ADAM29: variants seen among roughly 807,000 people sequenced by gnomAD.
ADAM29 encodes the protein disintegrin and metalloproteinase domain-containing protein 29.
For missense variants in ADAM29, 969 were observed against 1,001.8 expected (o/e 0.97, Z 0.44); for synonymous variants, 367 against 342.3 (o/e 1.07, Z -0.80).
intron 4 of ADAM29, among the ~76,000 whole-genome samples, chr4:174,942,642 A>G (rs549752883): frequency 2.6e-5 from 4 of 152,030 alleles, no homozygotes; most frequent in Admixed American, 1.3e-4. Flanking sequence ...GGCCCACAAA[A>G]CCATTTTTCC....
intron 4 of ADAM29, among the ~76,000 whole-genome samples, chr4:174,961,936 T>C (rs1264305176): frequency 2.6e-5 from 4 of 152,196 alleles, no homozygotes; most frequent in East Asian, 1.9e-4. Flanking sequence ...TTAAGAATTA[T>C]ATAGTGTTCT....
Position 174,975,468 on chromosome 4 carries a change from G to A in ADAM29, c.-58G>A. 1 of 1,479,332 alleles carries A rather than the reference G, an allele frequency of 6.8e-7. No individual in the cohort carries two copies. The highest frequency in any genetic ancestry group is 9.0e-7 in the Non-Finnish European group (1 of 1,113,042). 91.6% of individuals were successfully genotyped at this position (1,479,332 alleles called of 1,614,324 possible). On this transcript the variant is annotated 5_prime_UTR_variant, in exon 5 of 5. Transcript: ENST00000359240. Reference sequence around the variant, plus strand: ...GACTCCAGCCCTGACTTCTGCTCTGGACCAGTGTTTCCATAACAGGGACTT... The same window carrying A: ...GACTCCAGCCCTGACTTCTGCTCTGAACCAGTGTTTCCATAACAGGGACTT...
At chr4:174,969,048 G>A (rs147334221) in intron 4 of ADAM29, among the ~76,000 whole-genome samples, 5 of 151,908 alleles carry the variant, frequency 3.3e-5, no homozygotes, top group South Asian at 2.1e-4. Flanking sequence ...AAAATTCAAC[G>A]TTCACAAAGA....
At chr4:174,934,731 C>T (rs982223969) in intron 3 of ADAM29, among the ~76,000 whole-genome samples, 3 of 152,104 alleles carry the variant, frequency 2.0e-5, no homozygotes, top group African/African-American at 2.4e-5. Context: ...TGCTGATGCA[C>T]GGATGGAATT....
chr4:174,958,816 T>G (rs971542491), intron 4 of ADAM29, among the ~76,000 whole-genome samples: 2 of 151,836 alleles, frequency 1.3e-5, no homozygotes, highest in Non-Finnish European at 3.0e-5. Flanking sequence ...GAACTAGGTT[T>G]TATAATATGC....
chr4:174,936,728 T>TTG (rs1340816653), intron 3 of ADAM29, among the ~76,000 whole-genome samples: 7 of 151,966 alleles, frequency 4.6e-5, no homozygotes, highest in African/African-American at 1.7e-4. Flanking sequence ...AAAGTTCATG[T>TTG]CATGTCACCA....
intron 4 of ADAM29, among the ~76,000 whole-genome samples, chr4:174,943,339 T>A (rs1003994542): frequency 1.3e-5 from 2 of 152,206 alleles, no homozygotes; most frequent in African/African-American, 4.8e-5. Context: ...CCAGTAGCAA[T>A]TCTCTGTATT....
chr4:174,942,199 C>T (rs890407847), intron 4 of ADAM29, among the ~76,000 whole-genome samples: 7 of 152,124 alleles, frequency 4.6e-5, no homozygotes, highest in African/African-American at 1.2e-4. Flanking sequence ...CTTTTCCAAG[C>T]GCATGGTGAA....
chr4:174,956,472 AAAG>A (rs1745503281), intron 4 of ADAM29, among the ~76,000 whole-genome samples: 1 of 150,084 alleles, frequency 6.7e-6, no homozygotes, highest in Non-Finnish European at 1.5e-5. Context: ...TGTTTTAAAA[AAAG>A]GTGTGTGTGT....
chr4:174,930,018 T>C (rs1743767214), intron 2 of ADAM29, among the ~76,000 whole-genome samples: 1 of 152,192 alleles, frequency 6.6e-6, no homozygotes, highest in Non-Finnish European at 1.5e-5. Context: ...AACCTCTGCC[T>C]CCCGGGTTCA....
Position 174,941,056 on chromosome 4 carries a change from G to A in ADAM29, c.-181+4043G>A, listed in dbSNP as rs114082497. On this transcript the variant is annotated intron_variant, in intron 4 of 4. Coordinates refer to ENST00000359240, the MANE Select transcript of ADAM29 (RefSeq NM_014269.4). The stretch of plus-strand genomic sequence containing the variant: ...TTTATAAATTCAGGGGGTCAATTGA[G>A]ATAAAATTCTATTTACCATGAATTT... 8.2e-3 allele frequency among the ~76,000 whole-genome samples: 1,252 copies of A among 152,200 alleles called. 15 individuals carry two copies. Among genetic ancestry groups the A allele is most frequent in the African/African-American group, 0.028 (1,145 of 41,536 alleles).
chr4:174,928,384 C>A (rs939277019), intron 2 of ADAM29, among the ~76,000 whole-genome samples: 1 of 151,684 alleles, frequency 6.6e-6, no homozygotes, highest in African/African-American at 2.4e-5. Context: ...ACATGTCAAC[C>A]GCATCCTGTA....
In ADAM29 at chr4:174,974,374, G is replaced by A. The variant is rs143812593; in HGVS notation, c.-180-972G>A. 4.8e-3 allele frequency among the ~76,000 whole-genome samples: 727 copies of A among 152,302 alleles called. 8 individuals carry two copies. The highest frequency in any genetic ancestry group is 0.017 in the African/African-American group (696 of 41,564). ...TACATGAAAGATAAGAAGAAACTCA[G>A]ATAACTGACCTTCCTCAAGTCCAAA... On this transcript the variant is annotated intron_variant, in intron 4 of 4. Transcript: ENST00000359240.
intron 2 of ADAM29, among the ~76,000 whole-genome samples, chr4:174,930,252 G>A (rs1321421873): frequency 6.6e-6 from 1 of 152,112 alleles, no homozygotes; most frequent in Non-Finnish European, 1.5e-5. Context: ...ATCTATATAT[G>A]AAACTCTATC....
intron 2 of ADAM29, among the ~76,000 whole-genome samples, chr4:174,921,425 T>A (rs1350526362): frequency 6.6e-6 from 1 of 152,174 alleles, no homozygotes; most frequent in East Asian, 1.9e-4. Context: ...GCTGGACTAC[T>A]CTTTATGCAT....
chr4:174,930,403 A>G (rs1023049208), intron 2 of ADAM29, among the ~76,000 whole-genome samples: 2 of 152,176 alleles, frequency 1.3e-5, no homozygotes, highest in African/African-American at 4.8e-5. Context: ...GAGTTCATTC[A>G]TCTTGTGAAA....
At chr4:174,952,059 T>C (rs1031669446) in intron 4 of ADAM29, among the ~76,000 whole-genome samples, 14 of 152,212 alleles carry the variant, frequency 9.2e-5, no homozygotes, top group African/African-American at 3.4e-4. Context: ...AGGTAATGCA[T>C]ATGCTAATTA....
intron 4 of ADAM29, among the ~76,000 whole-genome samples, chr4:174,947,494 T>C (rs1260976956): frequency 6.6e-6 from 1 of 152,234 alleles, no homozygotes; most frequent in Non-Finnish European, 1.5e-5. Flanking sequence ...CTTAATTTCA[T>C]TGTTTACCCA....
At chr4:174,953,358 T>C (rs940787613) in intron 4 of ADAM29, among the ~76,000 whole-genome samples, 1 of 152,248 alleles carries the variant, frequency 6.6e-6, no homozygotes, top group Admixed American at 6.5e-5. Flanking sequence ...TACTTATTTT[T>C]CAATAAATTA....
Sources: allele counts gnomAD v4.1 joint callset (sites outside exome capture counted in the v4.1 genomes callset), GRCh38; gene constraint gnomAD v4.1.1; transcripts MANE v1.5; gene names NCBI Gene and HGNC (gene_info 2026-07-23, HGNC 2026-07-21).